The following KPNA4 variants were observed in gnomAD, a reference collection of about 807,000 sequenced individuals.
The protein encoded by KPNA4 is importin subunit alpha-3.
In KPNA4, 13 loss-of-function variants were observed where a neutral mutation model predicts 71.3. That is an observed-to-expected ratio of 0.18 (90% CI 0.12 to 0.29). The LOEUF is 0.29. Among genes scored for constraint, KPNA4 ranks in the 10% least tolerant of loss-of-function variants. The pLI is 1.00. For synonymous variants in KPNA4, 189 were observed against 195.2 expected (o/e 0.97, Z 0.26); for missense variants, 334 against 603.2 (o/e 0.55, Z 4.67).
chr3:160,516,074 C>T (rs567384906), intron 11 of KPNA4, among the ~76,000 whole-genome samples: 88 of 152,294 alleles, frequency 5.8e-4, no homozygotes, highest in African/African-American at 2.0e-3. Flanking sequence ...GCAACCTCTA[C>T]CTCCCAGGTT....
At chr3:160,525,699 G>A in intron 10 of KPNA4, 101 bp downstream of exon 10, 1 of 573,054 alleles carries the variant, frequency 1.7e-6, no homozygotes, top group Non-Finnish European at 2.8e-6. Flanking sequence ...ATAGTATGCT[G>A]ACACAATGTG....
rs946689722 is a variant in KPNA4, at chr3:160,565,518, G to C, written c.-236C>G. 2 of 541,948 alleles carry C rather than the reference G, an allele frequency of 3.7e-6. No individual in the cohort carries two copies. The highest frequency in any genetic ancestry group is 7.2e-5 in the Admixed American group (2 of 27,634). The allele number at this position is 541,948 out of a possible 1,614,324, so 33.6% of individuals were successfully genotyped here. ...GCAAAGACAACTGTGGGGCCGGGCG[G>C]CGGCAAGGCGACGGAATGTGCTGCC... On this transcript the variant is annotated 5_prime_UTR_variant, in exon 1 of 17. Coordinates refer to ENST00000334256, the MANE Select transcript of KPNA4 (RefSeq NM_002268.5).
Position 160,530,916 on chromosome 3 carries a change from T to A in KPNA4, c.408A>T (p.Ala136=). 3 of 1,612,384 alleles carry A rather than the reference T, an allele frequency of 1.9e-6. No individual in the cohort carries two copies. Among genetic ancestry groups the A allele is most frequent in the Non-Finnish European group, 2.5e-6 (3 of 1,179,230 alleles). Reference sequence around the variant, plus strand: ...CAGATGCAATGTTTGTCAAAGCCCATGCAGCTTCAAACTGTAAAGAAGGAC... The same window carrying A: ...CAGATGCAATGTTTGTCAAAGCCCAAGCAGCTTCAAACTGTAAAGAAGGAC... The part of the protein sequence containing the change: ...DDNPSLQFEA[A]WALTNIASGT... Residue 136 remains alanine, a synonymous_variant, in exon 7 of 17, where the codon GCA becomes GCT. Transcript: ENST00000334256.
At position 160,535,962 on chromosome 3, in the gene KPNA4, T is replaced by C. The variant is rs1721685249; in HGVS notation, c.115-65A>G. On this transcript the variant is annotated intron_variant, in intron 2 of 16. Transcript: ENST00000334256. The stretch of plus-strand genomic sequence containing the variant: ...ATTTGAGTTAAAAAGAAAACCTGAA[T>C]ACTTTCATACAAAGCTCAGGCAATC... The C allele has an allele frequency of 3.8e-6, 4 of 1,061,922 alleles. No homozygotes were observed. In the African/African-American group the frequency reaches 7.8e-5, roughly 21 times the overall value. 65.8% of individuals were successfully genotyped at this position (1,061,922 alleles called of 1,614,324 possible).
intron 1 of KPNA4, among the ~76,000 whole-genome samples, chr3:160,541,709 A>G (rs1721802928): frequency 6.6e-6 from 1 of 151,358 alleles, no homozygotes; most frequent in African/African-American, 2.4e-5. Flanking sequence ...ATGAGTTAAC[A>G]GTATTACTAA....
intron 1 of KPNA4, among the ~76,000 whole-genome samples, chr3:160,548,649 A>G (rs1428103742): frequency 1.3e-5 from 2 of 152,144 alleles, no homozygotes; most frequent in African/African-American, 2.4e-5. Context: ...TTAAGTCTAA[A>G]TAATATTCCA....
At chr3:160,547,216 A>C (rs1721931641) in intron 1 of KPNA4, among the ~76,000 whole-genome samples, 4 of 152,176 alleles carry the variant, frequency 2.6e-5, no homozygotes, top group Admixed American at 2.6e-4. Flanking sequence ...AAGAAATAAA[A>C]ATCTTAAAGT....
chr3:160,531,925 T>A (rs931352502), intron 5 of KPNA4, among the ~76,000 whole-genome samples: 1 of 152,206 alleles, frequency 6.6e-6, no homozygotes, highest in South Asian at 2.1e-4. Context: ...CCTGAGTAGC[T>A]GGGATTACAG....
intron 11 of KPNA4, 105 bp downstream of exon 11, chr3:160,521,674 T>C (rs978268066): frequency 1.0e-5 from 10 of 989,254 alleles, no homozygotes; most frequent in Non-Finnish European, 1.1e-5. Context: ...TTTGTTGTTA[T>C]GCTAAGAATA....
chr3:160,506,417 G>A (rs570473546), intron 15 of KPNA4, among the ~76,000 whole-genome samples: 9 of 152,220 alleles, frequency 5.9e-5, no homozygotes, highest in East Asian at 1.9e-4. Context: ...TGATCTGCCC[G>A]CCTCGGGCCT....
intron 13 of KPNA4, 35 bp from the exon 14 acceptor site, chr3:160,509,906 C>T (rs368052995): frequency 2.0e-5 from 28 of 1,378,626 alleles, no homozygotes; most frequent in Non-Finnish European, 2.7e-5. Context: ...ATAAAAATTG[C>T]CACATAGAGT....
intron 1 of KPNA4, among the ~76,000 whole-genome samples, chr3:160,545,394 C>T (rs1328153851): frequency 7.0e-6 from 1 of 143,818 alleles, no homozygotes; most frequent in Non-Finnish European, 1.6e-5. Context: ...GAAAACAGAA[C>T]AAAATGACAA....
intron 13 of KPNA4, 94 bp from the exon 14 acceptor site, chr3:160,509,965 C>A: frequency 1.3e-6 from 1 of 788,748 alleles, no homozygotes. Context: ...GCTTATTTCC[C>A]AAGGTCTCCT....
intron 16 of KPNA4, 73 bp downstream of exon 16, chr3:160,504,885 T>A (rs1022909210): frequency 8.7e-5 from 52 of 599,070 alleles, no homozygotes; most frequent in African/African-American, 8.1e-4. Flanking sequence ...GTCCCCCAGC[T>A]TACTATATAT....
At chr3:160,510,203 C>T (rs567920709) in intron 13 of KPNA4, among the ~76,000 whole-genome samples, 9 of 151,896 alleles carry the variant, frequency 5.9e-5, no homozygotes, top group Admixed American at 3.9e-4. Context: ...GTCACGTAAA[C>T]GAACATATTC....
intron 12 of KPNA4, among the ~76,000 whole-genome samples, chr3:160,514,671 T>C (rs1033129266): frequency 1.3e-5 from 2 of 152,202 alleles, no homozygotes; most frequent in African/African-American, 4.8e-5. Context: ...ACAAAGTGCA[T>C]TGTTTTAGTA....
intron 1 of KPNA4, among the ~76,000 whole-genome samples, chr3:160,539,170 T>TTCTCTC (rs140222269): frequency 2.7e-5 from 4 of 150,604 alleles, no homozygotes; most frequent in African/African-American, 4.9e-5. Context: ...TTTGGGTACT[T>TTCTCTC]TCTCTCTCTC....
intron 1 of KPNA4, among the ~76,000 whole-genome samples, chr3:160,541,065 T>A (rs1721787735): frequency 6.6e-6 from 1 of 152,222 alleles, no homozygotes; most frequent in Non-Finnish European, 1.5e-5. Context: ...TATTAAGCAC[T>A]AGGGACTAAA....
chr3:160,526,101 C>A lies in KPNA4; in HGVS notation c.563G>T (p.Gly188Val). The change falls in exon 9 of 17, where the codon GGG becomes GTG. Residue 188 changes from glycine to valine, a missense_variant. Gly to Val is a moderately radical substitution (Grantham distance 109). Coordinates refer to ENST00000334256, the MANE Select transcript of KPNA4 (RefSeq NM_002268.5). ...TATGACATAATCTCTACACTGGGGC[C>A]CATCACCTGTAGAAAAAAAGGATTA... is the stretch of plus-strand genomic sequence containing the variant. ...VWALGNIIGDGPQCRDYVISL... is the reference protein window; with the variant it reads ...VWALGNIIGDVPQCRDYVISL... The A allele has an allele frequency of 6.6e-7, 1 of 1,514,836 alleles. No individual in the cohort carries two copies. Among genetic ancestry groups the A allele is most frequent in the Non-Finnish European group, 8.8e-7 (1 of 1,138,044 alleles). 93.8% of individuals were successfully genotyped at this position (1,514,836 alleles called of 1,614,324 possible). A position where few individuals can be genotyped will look rare whatever the true frequency, so the allele number is the denominator to read the frequency against.
Sources: allele counts gnomAD v4.1 joint callset (sites outside exome capture counted in the v4.1 genomes callset), GRCh38; gene constraint gnomAD v4.1.1; transcripts MANE v1.5; gene names NCBI Gene and HGNC (gene_info 2026-07-23, HGNC 2026-07-21).